The following LRP1B variants were observed in gnomAD, a reference collection of about 807,000 sequenced individuals.
LRP1B encodes the protein LDL receptor related protein 1B.
A neutral mutation model predicts 556.6 loss-of-function variants in LRP1B; 217 were observed. The observed-to-expected ratio is 0.39, with a 90% CI of 0.35 to 0.44. The LOEUF (loss-of-function observed/expected upper bound fraction) is 0.44, where lower values mean the gene tolerates loss of function less well. LRP1B is among the 20% of genes least tolerant of loss of function. The probability of loss-of-function intolerance (pLI) is 1.00; values close to 1 mark genes in which losing one functional copy is unlikely to be tolerated. For synonymous variants in LRP1B, 2,047 were observed against 1,865.8 expected (o/e 1.10, Z -2.50); for missense variants, 5,053 against 5,620.8 (o/e 0.90, Z 3.23).
chr2:141,220,479 T>C (rs549966189), intron 6 of LRP1B, among the ~76,000 whole-genome samples: 2 of 152,132 alleles, frequency 1.3e-5, no homozygotes, highest in East Asian at 3.9e-4. Flanking sequence ...AGAATGGAAC[T>C]AAGTTGGAAA....
chr2:140,391,836 T>C (rs931944937), intron 66 of LRP1B, among the ~76,000 whole-genome samples: 1 of 152,230 alleles, frequency 6.6e-6, no homozygotes, highest in Non-Finnish European at 1.5e-5. Context: ...CATGTTTTTA[T>C]TCTGTTTCAT....
chr2:142,114,107 G>T (rs1375609), intron 1 of LRP1B, among the ~76,000 whole-genome samples: 101,666 of 151,926 alleles, frequency 0.67, 34,196 homozygotes, highest in East Asian at 0.71. Context: ...TATAGACCCA[G>T]TGTCTTACCT....
intron 6 of LRP1B, among the ~76,000 whole-genome samples, chr2:141,226,541 C>T (rs1683256660): frequency 1.3e-5 from 2 of 152,026 alleles, no homozygotes; most frequent in South Asian, 4.1e-4. Flanking sequence ...CTCAAAAAAG[C>T]ATGTTCTCTT....
intron 41 of LRP1B, among the ~76,000 whole-genome samples, chr2:140,650,712 A>T (rs1390050288): frequency 6.6e-6 from 1 of 152,116 alleles, no homozygotes; most frequent in Admixed American, 6.6e-5. Flanking sequence ...AGCTGATGAA[A>T]ATCCCTAGTG....
At chr2:141,132,590 A>T (rs1172952004) in intron 7 of LRP1B, among the ~76,000 whole-genome samples, 1 of 152,032 alleles carries the variant, frequency 6.6e-6, no homozygotes, top group Non-Finnish European at 1.5e-5. Context: ...TACTATTAAA[A>T]TCTAATATAA....
chr2:140,701,223 T>C lies in LRP1B; in HGVS notation c.6427+498A>G, dbSNP rs145941442. Among the ~76,000 whole-genome samples, 207 of 152,200 alleles carry C rather than the reference T, an allele frequency of 1.4e-3. 2 individuals are homozygous for C. Among genetic ancestry groups the C allele is most frequent in the African/African-American group, 4.8e-3 (199 of 41,562 alleles). On this transcript the variant is annotated intron_variant, in intron 40 of 90. Transcript: ENST00000389484. ...TAGTTACAATTTATTTTAATGGAGG[T>C]AAACAAATTTTAAATACCCAAATCA...
At chr2:141,006,855 T>TA (rs1369385093) in intron 14 of LRP1B, among the ~76,000 whole-genome samples, 29 of 151,886 alleles carry the variant, frequency 1.9e-4, no homozygotes, top group African/African-American at 7.0e-4. Flanking sequence ...AAAGTTACAG[T>TA]AAAAATACAT....
At chr2:140,697,188 G>A (rs1048153783) in intron 41 of LRP1B, among the ~76,000 whole-genome samples, 3 of 151,974 alleles carry the variant, frequency 2.0e-5, no homozygotes, top group Non-Finnish European at 4.4e-5. Flanking sequence ...CTTTGATTTT[G>A]GATGACAGAA....
At chr2:141,296,108 G>A (rs912037281) in intron 3 of LRP1B, among the ~76,000 whole-genome samples, 1 of 152,014 alleles carries the variant, frequency 6.6e-6, no homozygotes, top group Admixed American at 6.6e-5. Context: ...GCAAAGTCTG[G>A]CCTTTAGGAG....
chr2:141,395,295 AT>A lies in LRP1B; in HGVS notation c.343+85100del, dbSNP rs573670647. 3.0e-3 allele frequency among the ~76,000 whole-genome samples: 457 copies of A among 152,104 alleles called. 1 individual carries two copies. The highest frequency in any genetic ancestry group is 5.0e-3 in the Non-Finnish European group (339 of 67,932). ...GATAAATGCCCTATACAGGTATACC[AT>A]TTTTTTATCTGTTATACTATAATTT... On this transcript the variant is annotated intron_variant, in intron 3 of 90. Transcript: ENST00000389484.
chr2:141,883,065 G>T (rs1490702795), intron 1 of LRP1B, among the ~76,000 whole-genome samples: 2 of 152,012 alleles, frequency 1.3e-5, no homozygotes, highest in Admixed American at 1.3e-4. Context: ...TAGTGTTATG[G>T]TCTGCCTCCT....
At chr2:140,484,904 A>G (rs986370150) in intron 59 of LRP1B, among the ~76,000 whole-genome samples, 1 of 152,114 alleles carries the variant, frequency 6.6e-6, no homozygotes, top group Non-Finnish European at 1.5e-5. Context: ...GCACCCTGTC[A>G]TTTATTATCC....
chr2:140,250,161 T>A (rs563543570), intron 86 of LRP1B, among the ~76,000 whole-genome samples: 1 of 151,846 alleles, frequency 6.6e-6, no homozygotes, highest in Non-Finnish European at 1.5e-5. Flanking sequence ...TTGTTTTGTT[T>A]TGTCTCACCG....
At chr2:142,105,436 T>C (rs1706713813) in intron 1 of LRP1B, among the ~76,000 whole-genome samples, 1 of 152,212 alleles carries the variant, frequency 6.6e-6, no homozygotes. Context: ...ATGGCTAATA[T>C]CATACTTTTC....
At chr2:141,899,500 C>G (rs963509797) in intron 1 of LRP1B, among the ~76,000 whole-genome samples, 1 of 152,108 alleles carries the variant, frequency 6.6e-6, no homozygotes, top group African/African-American at 2.4e-5. Flanking sequence ...GCGGCACTCT[C>G]TATAAACACA....
At chr2:141,455,504 A>T (rs946240346) in intron 3 of LRP1B, among the ~76,000 whole-genome samples, 2 of 150,072 alleles carry the variant, frequency 1.3e-5, no homozygotes, top group African/African-American at 4.9e-5. Flanking sequence ...AATGACGTTC[A>T]TTTTTTTTTT....
chr2:142,070,082 A>C (rs987371146), intron 1 of LRP1B, among the ~76,000 whole-genome samples: 2 of 151,790 alleles, frequency 1.3e-5, no homozygotes, highest in Admixed American at 6.6e-5. Flanking sequence ...ATTTACTTTA[A>C]ATGTAACACA....
intron 2 of LRP1B, among the ~76,000 whole-genome samples, chr2:141,581,183 A>T (rs1439455941): frequency 2.6e-5 from 4 of 152,152 alleles, no homozygotes; most frequent in Middle Eastern, 3.2e-3. Context: ...TCTTCTCTCC[A>T]CTAAAACCTC....
At chr2:141,063,184 T>A (rs886426625) in intron 7 of LRP1B, among the ~76,000 whole-genome samples, 1 of 151,780 alleles carries the variant, frequency 6.6e-6, no homozygotes, top group Admixed American at 6.6e-5. Flanking sequence ...TCAAGAATAA[T>A]CCAATTTACA....
Sources: allele counts gnomAD v4.1 joint callset (sites outside exome capture counted in the v4.1 genomes callset), GRCh38; gene constraint gnomAD v4.1.1; transcripts MANE v1.5; gene names NCBI Gene and HGNC (gene_info 2026-07-23, HGNC 2026-07-21).